MALRD1: variants seen among roughly 807,000 people sequenced by gnomAD.
MALRD1 encodes MAM and LDL receptor class A domain containing 1.
Under a neutral mutation model 242.1 loss-of-function variants are expected in MALRD1, and 247 were observed. That is an observed-to-expected ratio of 1.02 (90% CI 0.92 to 1.13). The LOEUF (loss-of-function observed/expected upper bound fraction) is 1.13. Ranked by LOEUF, MALRD1 falls within the 50% of genes most tolerant of loss-of-function variation. MALRD1 has a pLI of 0.00. For synonymous variants in MALRD1, 995 were observed against 866.6 expected (o/e 1.15, Z -2.60); for missense variants, 2,989 against 2,533.1 (o/e 1.18, Z -3.86).
At chr10:19,590,187 A>G (rs1837690683) in intron 33 of MALRD1, among the ~76,000 whole-genome samples, 1 of 151,562 alleles carries the variant, frequency 6.6e-6, no homozygotes, top group Non-Finnish European at 1.5e-5. Context: ...AGAAATTTTA[A>G]GAGAAAATCA....
At chr10:19,394,150 C>T (rs1846471135) in intron 28 of MALRD1, among the ~76,000 whole-genome samples, 2 of 152,118 alleles carry the variant, frequency 1.3e-5, no homozygotes, top group Admixed American at 6.5e-5. Context: ...GAGAGCCCTC[C>T]TGATATAGCA....
chr10:19,292,663 C>T (rs1453461126), intron 21 of MALRD1, among the ~76,000 whole-genome samples: 6 of 151,964 alleles, frequency 3.9e-5, no homozygotes, highest in South Asian at 2.1e-4. Flanking sequence ...GAGGCTGAGG[C>T]GGGCGGATCA....
At chr10:19,145,696 C>A (rs1374167744) in intron 10 of MALRD1, among the ~76,000 whole-genome samples, 1 of 150,074 alleles carries the variant, frequency 6.7e-6, no homozygotes, top group Non-Finnish European at 1.5e-5. Flanking sequence ...CAGCTCAGTT[C>A]CGAATATCTA....
At chr10:19,444,522 G>A (rs936841116) in intron 28 of MALRD1, among the ~76,000 whole-genome samples, 9 of 152,114 alleles carry the variant, frequency 5.9e-5, no homozygotes, top group Non-Finnish European at 1.2e-4. Flanking sequence ...AAATCTCTCC[G>A]CATTTGCTTG....
At chr10:19,658,081 G>C (rs1179880260) in intron 36 of MALRD1, among the ~76,000 whole-genome samples, 1 of 152,080 alleles carries the variant, frequency 6.6e-6, no homozygotes, top group African/African-American at 2.4e-5. Context: ...CCAGGAGGCA[G>C]AGGTTGCTGT....
chr10:19,703,785 C>G (rs1038185418), intron 38 of MALRD1, among the ~76,000 whole-genome samples: 5 of 152,142 alleles, frequency 3.3e-5, no homozygotes, highest in African/African-American at 1.2e-4. Context: ...ATCCCAGCTA[C>G]TCAGAGGGCT....
intron 38 of MALRD1, among the ~76,000 whole-genome samples, chr10:19,705,810 A>AAAAAAAAAAAG (rs1208632890): frequency 2.0e-5 from 3 of 151,256 alleles, no homozygotes; most frequent in African/African-American, 7.3e-5. Context: ...ATAGTAAAAA[A>AAAAAAAAAAAG]AAAAAAAAGC....
rs530660213 is a variant in MALRD1, at chr10:19,098,473, C to T, written c.598-5506C>T. ...TTAATCTTAACTCTTAAAATTCTACCCTCACTCTTCAAAATCATTATCCGA... is the reference window on the plus strand; with the variant it reads ...TTAATCTTAACTCTTAAAATTCTACTCTCACTCTTCAAAATCATTATCCGA... On this transcript the variant is annotated intron_variant, in intron 4 of 39. Coordinates refer to ENST00000454679, the MANE Select transcript of MALRD1 (RefSeq NM_001142308.3). 1.2e-3 allele frequency among the ~76,000 whole-genome samples: 175 copies of T among 151,938 alleles called. 6 individuals carry two copies. The South Asian group carries it at 0.034, about 30-fold the overall frequency.
chr10:19,714,108 C>T (rs186568571), intron 38 of MALRD1, among the ~76,000 whole-genome samples: 2 of 152,278 alleles, frequency 1.3e-5, no homozygotes, highest in Non-Finnish European at 2.9e-5. Context: ...TGTTATTCAG[C>T]TCCATTAGAC....
chr10:19,582,172 T>C (rs1177154468), intron 33 of MALRD1, among the ~76,000 whole-genome samples: 1 of 152,110 alleles, frequency 6.6e-6, no homozygotes, highest in Non-Finnish European at 1.5e-5. Flanking sequence ...TTCTGTAGGT[T>C]GCCTGTTCAC....
intron 31 of MALRD1, among the ~76,000 whole-genome samples, chr10:19,524,809 T>C (rs1219049434): frequency 6.6e-6 from 1 of 152,176 alleles, no homozygotes; most frequent in African/African-American, 2.4e-5. Flanking sequence ...TGTCTTTTAT[T>C]ATTTTTCCTT....
At chr10:19,052,074 G>C (rs751958870) in intron 1 of MALRD1, 1 of 421,600 alleles carries the variant, frequency 2.4e-6, no homozygotes, top group Non-Finnish European at 4.6e-6. Flanking sequence ...TGGCATGGTG[G>C]ATTCAAGAGC....
At chr10:19,561,022 AATCT>A (rs1362927925) in intron 32 of MALRD1, among the ~76,000 whole-genome samples, 7 of 152,166 alleles carry the variant, frequency 4.6e-5, no homozygotes, top group Non-Finnish European at 8.8e-5. Context: ...CATAATTAAA[AATCT>A]ATCTAATATA....
chr10:19,088,356 T>C (rs1465537002), intron 4 of MALRD1, among the ~76,000 whole-genome samples, 171 bp downstream of exon 4: 4 of 152,042 alleles, frequency 2.6e-5, no homozygotes, highest in Non-Finnish European at 4.4e-5. Context: ...GGATGGCTAG[T>C]CACCCTAAAA....
At chr10:19,660,167 A>C (rs11010972) in intron 36 of MALRD1, among the ~76,000 whole-genome samples, 1 of 152,240 alleles carries the variant, frequency 6.6e-6, no homozygotes, top group African/African-American at 2.4e-5. Flanking sequence ...ACTTGTGACT[A>C]AAGTCTGGTT....
At chr10:19,260,728 G>A (rs1464215032) in intron 19 of MALRD1, among the ~76,000 whole-genome samples, 2 of 152,114 alleles carry the variant, frequency 1.3e-5, no homozygotes, top group Non-Finnish European at 2.9e-5. Context: ...TGTATGTGGG[G>A]CAGGATTAAT....
At chr10:19,560,775 A>G (rs940036229) in intron 32 of MALRD1, among the ~76,000 whole-genome samples, 1 of 152,112 alleles carries the variant, frequency 6.6e-6, no homozygotes, top group African/African-American at 2.4e-5. Context: ...GAACATATGG[A>G]CACAGGGAGT....
intron 21 of MALRD1, among the ~76,000 whole-genome samples, chr10:19,304,395 T>C (rs1401036006): frequency 6.6e-6 from 1 of 151,676 alleles, no homozygotes; most frequent in Non-Finnish European, 1.5e-5. Flanking sequence ...CATCATCATC[T>C]ATCTATATCC....
intron 32 of MALRD1, among the ~76,000 whole-genome samples, chr10:19,539,526 T>C (rs1834837775): frequency 6.6e-6 from 1 of 152,206 alleles, no homozygotes; most frequent in Non-Finnish European, 1.5e-5. Context: ...GTTTGAATTT[T>C]AAATTTTACA....
Sources: gnomAD v4.1 joint callset for allele counts (sites outside exome capture counted in the v4.1 genomes callset) on GRCh38, gnomAD v4.1.1 for gene constraint, MANE v1.5 for transcripts, NCBI Gene and HGNC (gene_info 2026-07-23, HGNC 2026-07-21) for gene names.